Variants in HECW1 observed in about 807,000 individuals in gnomAD.
The protein encoded by HECW1 is HECT, C2 and WW domain containing E3 ubiquitin protein ligase 1, also known as E3 ubiquitin-protein ligase HECW1.
A neutral mutation model predicts 182.3 loss-of-function variants in HECW1; 61 were observed. That is an observed-to-expected ratio of 0.33 (90% CI 0.27 to 0.41). The LOEUF (loss-of-function observed/expected upper bound fraction) is 0.41, where lower values mean the gene tolerates loss of function less well. HECW1 is among the 10% of genes least tolerant of loss of function. The pLI is 1.00. For synonymous variants in HECW1, 859 were observed against 832.6 expected (o/e 1.03, Z -0.55); for missense variants, 1,739 against 2,108.9 (o/e 0.82, Z 3.44).
chr7:43,175,403 T>C (rs953465523), intron 2 of HECW1, among the ~76,000 whole-genome samples: 4 of 152,228 alleles, frequency 2.6e-5, no homozygotes, highest in Admixed American at 2.6e-4. Context: ...CCAACATCTT[T>C]TCCATCTCTT....
At chr7:43,138,167 G>A (rs1787774968) in intron 2 of HECW1, among the ~76,000 whole-genome samples, 1 of 152,172 alleles carries the variant, frequency 6.6e-6, no homozygotes, top group African/African-American at 2.4e-5. Context: ...AACTGGGAGA[G>A]GTAATGAAAG....
At chr7:43,435,063 T>A (rs2076668202) in intron 8 of HECW1, among the ~76,000 whole-genome samples, 1 of 151,900 alleles carries the variant, frequency 6.6e-6, no homozygotes, top group Non-Finnish European at 1.5e-5. Context: ...ATGAATTGTA[T>A]TTGTCCTGTT....
chr7:43,465,976 G>T (rs1355938043), intron 14 of HECW1, among the ~76,000 whole-genome samples: 1 of 133,724 alleles, frequency 7.5e-6, no homozygotes, highest in South Asian at 2.7e-4. Flanking sequence ...AAGAAAGAAG[G>T]GAGGGAGGGA....
rs1423341596 is a variant in HECW1 at position 43,311,104 on chromosome 7, TC to T, written c.28-658del. Among the ~76,000 whole-genome samples, 6 of 152,236 alleles carry T rather than the reference TC, an allele frequency of 3.9e-5. 1 individual carries two copies. Among genetic ancestry groups the T allele is most frequent in the Admixed American group, 3.9e-4 (6 of 15,282 alleles). ...TTTTTTCTCATCAGGTACAATGTTTTCTACAATAACATTGGCTCCAAGGGAG... is the reference window on the plus strand; with the variant it reads ...TTTTTTCTCATCAGGTACAATGTTTTTACAATAACATTGGCTCCAAGGGAG... On this transcript the variant is annotated intron_variant, in intron 3 of 29. Transcript: ENST00000395891.
At chr7:43,132,688 G>A (rs4724180) in intron 2 of HECW1, among the ~76,000 whole-genome samples, 120,123 of 152,060 alleles carry the variant, frequency 0.79, 47,975 homozygotes, top group African/African-American at 0.9. Flanking sequence ...TGCCTTTTAT[G>A]TTATCTCTAA....
intron 13 of HECW1, among the ~76,000 whole-genome samples, chr7:43,461,425 G>A (rs74624403): frequency 5.4e-4 from 82 of 152,372 alleles, no homozygotes; most frequent in African/African-American, 1.9e-3. Context: ...TTCTGGAAGA[G>A]CATGTGGGTC....
chr7:43,212,298 C>A (rs1796069276), intron 2 of HECW1, among the ~76,000 whole-genome samples: 1 of 152,162 alleles, frequency 6.6e-6, no homozygotes, highest in South Asian at 2.1e-4. Flanking sequence ...CAAATCAGAT[C>A]ATACACTCTT....
intron 24 of HECW1, among the ~76,000 whole-genome samples, chr7:43,540,777 C>A (rs866982416): frequency 1.7e-4 from 26 of 152,212 alleles, no homozygotes; most frequent in Admixed American, 3.3e-4. Flanking sequence ...TAAGGACGCA[C>A]ATCCAGAAAG....
Position 43,320,950 on chromosome 7 carries a change from G to A in HECW1, c.460+208G>A, listed in dbSNP as rs6962062. ...ATAAAAGCCAGCCAACCAGCCCAGA[G>A]GGCTGCCCCTTTAATACCAAGAAAG... On this transcript the variant is annotated intron_variant, in intron 5 of 29. Transcript: ENST00000395891. Among the ~76,000 whole-genome samples the A allele has an allele frequency of 4.3e-3, 653 of 152,310 alleles. 3 individuals are homozygous for A. The highest frequency in any genetic ancestry group is 0.015 in the African/African-American group (630 of 41,566).
chr7:43,149,004 A>G (rs74866578), intron 2 of HECW1, among the ~76,000 whole-genome samples: 1,707 of 152,238 alleles, frequency 0.011, 32 homozygotes, highest in African/African-American at 0.039. Flanking sequence ...ATTGATAAAC[A>G]TAGAAGAAAT....
intron 2 of HECW1, among the ~76,000 whole-genome samples, chr7:43,191,964 C>CT (rs537307469): frequency 0.23 from 33,021 of 145,246 alleles, 3,924 homozygotes; most frequent in Non-Finnish European, 0.26. Context: ...TTGTTTTTTT[C>CT]TTTTTTTTTT....
chr7:43,218,554 G>A (rs1480480373), intron 2 of HECW1, among the ~76,000 whole-genome samples: 1 of 152,160 alleles, frequency 6.6e-6, no homozygotes, highest in African/African-American at 2.4e-5. Context: ...CAGTGTGCCT[G>A]TGACCAGCAG....
chr7:43,446,690 G>A (rs185470022), intron 11 of HECW1, among the ~76,000 whole-genome samples: 34 of 152,194 alleles, frequency 2.2e-4, no homozygotes, highest in Non-Finnish European at 2.4e-4. Flanking sequence ...AATAATGCCC[G>A]CTTCTACATT....
chr7:43,254,848 T>G (rs1800398255), intron 3 of HECW1, among the ~76,000 whole-genome samples: 2 of 152,108 alleles, frequency 1.3e-5, no homozygotes, highest in Non-Finnish European at 2.9e-5. Flanking sequence ...TTTGCTAGAG[T>G]CATTTATACA....
chr7:43,463,231 A>G (rs1379362779), intron 13 of HECW1, among the ~76,000 whole-genome samples: 4 of 152,230 alleles, frequency 2.6e-5, no homozygotes, highest in African/African-American at 9.6e-5. Flanking sequence ...AATTATATCA[A>G]TTACCCGACA....
At chr7:43,206,181 A>T (rs1795459165) in intron 2 of HECW1, among the ~76,000 whole-genome samples, 1 of 152,162 alleles carries the variant, frequency 6.6e-6, no homozygotes, top group African/African-American at 2.4e-5. Context: ...AGCTCCTACC[A>T]TGTGCACTCA....
chr7:43,463,898 C>A, intron 14 of HECW1, 99 bp downstream of exon 14: 1 of 1,374,628 alleles, frequency 7.3e-7, no homozygotes, highest in South Asian at 1.3e-5. Context: ...AGCAATGTGC[C>A]CCAGGGTGAA....
At chr7:43,381,913 CTT>C (rs2074568395) in intron 6 of HECW1, among the ~76,000 whole-genome samples, 1 of 152,184 alleles carries the variant, frequency 6.6e-6, no homozygotes, top group Non-Finnish European at 1.5e-5. Flanking sequence ...GTCCTCCTGC[CTT>C]GGCCTCCCAG....
At chr7:43,375,970 G>T (rs1489151169) in intron 6 of HECW1, among the ~76,000 whole-genome samples, 1 of 149,420 alleles carries the variant, frequency 6.7e-6, no homozygotes, top group African/African-American at 2.5e-5. Context: ...AATGAAAAAG[G>T]CAGTATAATT....
Sources: allele counts gnomAD v4.1 joint callset (sites outside exome capture counted in the v4.1 genomes callset), GRCh38; gene constraint gnomAD v4.1.1; transcripts MANE v1.5; gene names NCBI Gene and HGNC (gene_info 2026-07-23, HGNC 2026-07-21).